Variants in SPG7 observed in about 807,000 individuals in gnomAD.
The protein encoded by SPG7 is SPG7 matrix AAA peptidase subunit, paraplegin, also known as mitochondrial inner membrane m-AAA protease component paraplegin.
Under a neutral mutation model 81.9 loss-of-function variants are expected in SPG7, and 103 were observed. The ratio of observed to expected loss-of-function variants is 1.26; its 90% confidence interval spans 1.07 to 1.48. The LOEUF (loss-of-function observed/expected upper bound fraction) is 1.48, where lower values mean the gene tolerates loss of function less well. Among genes scored for constraint, SPG7 ranks in the 40% most tolerant of loss-of-function variants. The pLI is 0.00. For missense variants in SPG7, 1,241 were observed against 1,087.3 expected (o/e 1.14, Z -1.99); for synonymous variants, 534 against 444.2 (o/e 1.20, Z -2.54).
chr16:89,522,255 G>C (rs1193008919), intron 3 of SPG7: 1 of 152,164 alleles, frequency 6.6e-6, no homozygotes, highest in Non-Finnish European at 1.5e-5. Flanking sequence ...TTCATTTTGT[G>C]TTTTTAAGCC....
At chr16:89,515,090 C>T (rs1302736411) in intron 3 of SPG7, among the ~76,000 whole-genome samples, 1 of 151,658 alleles carries the variant, frequency 6.6e-6, no homozygotes, top group African/African-American at 2.4e-5. Flanking sequence ...GTGCCCGCCA[C>T]CATACCCGGC....
chr16:89,535,477 C>G (rs914807744), intron 9 of SPG7, among the ~76,000 whole-genome samples: 1 of 152,214 alleles, frequency 6.6e-6, no homozygotes. Context: ...GCTTGTCCCC[C>G]GTGTCTCCAG....
chr16:89,521,175 G>A (rs2058183169), intron 3 of SPG7: 1 of 152,364 alleles, frequency 6.6e-6, no homozygotes, highest in South Asian at 2.1e-4. Flanking sequence ...AAGACACGGA[G>A]GCTAGAGAGG....
rs751511206 is a variant in SPG7 at position 89,532,675 on chromosome 16, AGAG to A, written c.1324+44_1324+46del. The A allele has an allele frequency of 9.3e-6, 15 of 1,611,134 alleles. No homozygotes were observed. In the Admixed American group the frequency reaches 1.0e-4, roughly 11 times the overall value. On this transcript the variant is annotated intron_variant, in intron 9 of 16. Transcript: ENST00000645818. The stretch of plus-strand genomic sequence containing the variant: ...CGCCCCGCACCCCCATTGCACCATC[AGAG>A]GAGGTTTTCCGATGTCTTTCAGAAC...
intron 3 of SPG7, chr16:89,519,664 G>C (rs1187150962): frequency 6.6e-6 from 1 of 152,210 alleles, no homozygotes; most frequent in Non-Finnish European, 1.5e-5. Context: ...TGACAGGCGT[G>C]AGCCACCGCG....
intron 5 of SPG7, among the ~76,000 whole-genome samples, chr16:89,528,251 G>T (rs1329868104): frequency 6.6e-6 from 1 of 152,074 alleles, no homozygotes; most frequent in African/African-American, 2.4e-5. Context: ...AATTAGCCGG[G>T]TGCGGTGGCG....
intron 2 of SPG7, 137 bp from the exon 3 acceptor site, chr16:89,512,811 A>T (rs556788148): frequency 1.2e-6 from 1 of 815,606 alleles, no homozygotes; most frequent in African/African-American, 1.7e-5. Flanking sequence ...TTTCATATTT[A>T]TAAATCTTAT....
intron 11 of SPG7, chr16:89,547,564 A>T: frequency 3.7e-6 from 1 of 267,918 alleles, no homozygotes; most frequent in Non-Finnish European, 7.3e-6. Flanking sequence ...CGCTCTCACC[A>T]GCACTCTTGG....
chr16:89,537,280 C>G (rs938044197), intron 9 of SPG7: 13 of 1,310,162 alleles, frequency 9.9e-6, no homozygotes, highest in Non-Finnish European at 1.2e-5. Flanking sequence ...CCTGCGGACC[C>G]CAGAGCCCCC....
At chr16:89,528,890 C>T (rs935302448) in intron 5 of SPG7, 4 of 171,828 alleles carry the variant, frequency 2.3e-5, no homozygotes, top group Non-Finnish European at 5.1e-5. Context: ...TGACTCACTG[C>T]AGCCTTCACC....
intron 5 of SPG7, 24 bp from the exon 6 acceptor site, chr16:89,529,453 G>T: frequency 6.5e-7 from 1 of 1,530,758 alleles, no homozygotes; most frequent in Non-Finnish European, 9.0e-7. Context: ...CTGAGCCTGT[G>T]CCTGCCTCTC....
intron 11 of SPG7, 169 bp from the exon 12 acceptor site, chr16:89,547,809 CACCCTGTTGGCCAGGCTGGTCTCAA>C (rs2058583012): frequency 5.1e-6 from 3 of 590,342 alleles, no homozygotes; most frequent in Non-Finnish European, 9.3e-6. Flanking sequence ...AATAGGGTTT[CACCCTGTTGGCCAGGCTGGTCTCAA>C]ACTCCTGACC....
chr16:89,552,843 T>G, intron 13 of SPG7, 136 bp from the exon 14 acceptor site: 2 of 791,072 alleles, frequency 2.5e-6, no homozygotes, highest in Non-Finnish European at 4.3e-6. Flanking sequence ...GGATCCCCTG[T>G]TGTTGTAGAG....
intron 9 of SPG7, chr16:89,533,674 G>C (rs898370175): frequency 6.6e-6 from 1 of 152,194 alleles, no homozygotes; most frequent in South Asian, 2.1e-4. Context: ...GCACTGCAGC[G>C]AGGGAGACAC....
At chr16:89,512,609 C>T (rs1352098082) in intron 2 of SPG7, among the ~76,000 whole-genome samples, 1 of 152,200 alleles carries the variant, frequency 6.6e-6, no homozygotes, top group Non-Finnish European at 1.5e-5. Flanking sequence ...CCACGCCTGG[C>T]GTGTTTAAGT....
chr16:89,529,862 G>A (rs1597629599), intron 6 of SPG7: 4 of 439,010 alleles, frequency 9.1e-6, no homozygotes, highest in East Asian at 4.6e-5. Context: ...TTTTTGAGAC[G>A]GAGTTTCGCC....
In SPG7 at chr16:89,546,723, C is replaced by T; in HGVS notation, c.1515C>T (p.Tyr505=). The T allele has an allele frequency of 1.2e-6, 2 of 1,613,672 alleles. No individual in the cohort carries two copies. The highest frequency in any genetic ancestry group is 2.2e-5 in the East Asian group (1 of 44,868). ...SLKLTQSSTF[Y]SQRLAELTPG... ...AGCTGACCCAGTCCAGCACCTTTTA[C>T]TCCCAGCGTCTGGCAGAGCTGACAC... Residue 505 remains tyrosine, a synonymous_variant, in exon 11 of 17, where the codon TAC becomes TAT. Coordinates refer to ENST00000645818, the MANE Select transcript of SPG7 (RefSeq NM_003119.4).
chr16:89,510,630 C>A, intron 2 of SPG7, 38 bp downstream of exon 2: 2 of 1,248,878 alleles, frequency 1.6e-6, no homozygotes, highest in South Asian at 1.2e-5. Flanking sequence ...AGCATGACTG[C>A]ACACTTACCG....
intron 6 of SPG7, 67 bp from the exon 7 acceptor site, chr16:89,530,616 G>A (rs2058328245): frequency 2.5e-6 from 4 of 1,607,458 alleles, no homozygotes; most frequent in South Asian, 2.2e-5. Context: ...CGTGGGCTGA[G>A]CGCTGGCATC....
Sources: gnomAD v4.1 joint callset for allele counts (sites outside exome capture counted in the v4.1 genomes callset) on GRCh38, gnomAD v4.1.1 for gene constraint, MANE v1.5 for transcripts, NCBI Gene and HGNC (gene_info 2026-07-23, HGNC 2026-07-21) for gene names.